The following CSMD1 variants were observed in gnomAD, a reference collection of about 807,000 sequenced individuals.
CSMD1 encodes CUB and sushi domain-containing protein 1.
In CSMD1, 213 loss-of-function variants were observed where a neutral mutation model predicts 417.5. The observed-to-expected ratio is 0.51, with a 90% CI of 0.46 to 0.57. The LOEUF is 0.57. Among genes scored for constraint, CSMD1 ranks in the 20% least tolerant of loss-of-function variants. The probability of loss-of-function intolerance (pLI) is 0.00; values close to 1 mark genes in which losing one functional copy is unlikely to be tolerated. For missense variants in CSMD1, 6,923 were observed against 4,529.7 expected (o/e 1.53, Z -15.17); for synonymous variants, 2,862 against 1,736.8 (o/e 1.65, Z -16.11).
At chr8:4,794,925 C>A (rs577209258) in intron 1 of CSMD1, among the ~76,000 whole-genome samples, 1 of 151,414 alleles carries the variant, frequency 6.6e-6, no homozygotes, top group Non-Finnish European at 1.5e-5. Flanking sequence ...TCATTTAGAA[C>A]GCTGGGAAGG....
At chr8:3,600,174 C>G (rs1247426672) in intron 8 of CSMD1, among the ~76,000 whole-genome samples, 1 of 152,184 alleles carries the variant, frequency 6.6e-6, no homozygotes, top group Non-Finnish European at 1.5e-5. Flanking sequence ...TGAAAACTGA[C>G]AAACCATTGC....
At position 3,493,612 on chromosome 8, in the gene CSMD1, G is replaced by A. The variant is rs1216314225; in HGVS notation, c.1448+11C>T. 3.1e-6 allele frequency: 5 copies of A among 1,597,756 alleles called. No homozygotes were observed. In the East Asian group the frequency reaches 6.8e-5, roughly 22 times the overall value. On this transcript the variant is annotated intron_variant, in intron 11 of 69. Transcript: ENST00000635120. ...TGCATAAGAGAAGAAGAAGCTCAAG[G>A]ACATACTCACACGTACAAGACCGAT...
At chr8:4,132,212 TTTTC>T (rs140783346) in intron 3 of CSMD1, among the ~76,000 whole-genome samples, 15,385 of 81,424 alleles carry the variant, frequency 0.19, 1,018 homozygotes, top group East Asian at 0.38. Context: ...TTTTTTTTTT[TTTTC>T]ACGGGGTAGT....
chr8:4,519,554 A>C (rs1487089858), intron 2 of CSMD1, among the ~76,000 whole-genome samples: 5 of 151,600 alleles, frequency 3.3e-5, no homozygotes, highest in Admixed American at 2.6e-4. Context: ...AGCCTGGACA[A>C]CATGGTGAAA....
intron 2 of CSMD1, among the ~76,000 whole-genome samples, chr8:4,562,313 G>T (rs1306018675): frequency 1.3e-5 from 2 of 152,164 alleles, no homozygotes; most frequent in Non-Finnish European, 2.9e-5. Flanking sequence ...ACTCAGCAAG[G>T]TCAGTGGGAG....
At chr8:3,748,523 G>C (rs1297704988) in intron 6 of CSMD1, among the ~76,000 whole-genome samples, 1 of 152,106 alleles carries the variant, frequency 6.6e-6, no homozygotes, top group Non-Finnish European at 1.5e-5. Flanking sequence ...ACGTAACTGA[G>C]CACTTTCCAG....
At chr8:4,771,831 C>A (rs535762944) in intron 1 of CSMD1, among the ~76,000 whole-genome samples, 4 of 152,084 alleles carry the variant, frequency 2.6e-5, no homozygotes, top group Admixed American at 2.0e-4. Flanking sequence ...TCAACGATAC[C>A]TTTTCTGTTG....
chr8:3,627,597 T>C (rs1270931182), intron 7 of CSMD1, among the ~76,000 whole-genome samples: 1 of 152,210 alleles, frequency 6.6e-6, no homozygotes, highest in East Asian at 1.9e-4. Flanking sequence ...TCTAATATTA[T>C]ATTCTATAGT....
intron 3 of CSMD1, among the ~76,000 whole-genome samples, chr8:4,184,286 A>G (rs1798542180): frequency 2.0e-5 from 3 of 152,158 alleles, no homozygotes; most frequent in Non-Finnish European, 2.9e-5. Context: ...ATCTAACGCT[A>G]TTCAGGAATT....
At chr8:3,078,331 T>C (rs1272228522) in intron 49 of CSMD1, among the ~76,000 whole-genome samples, 1 of 152,222 alleles carries the variant, frequency 6.6e-6, no homozygotes, top group African/African-American at 2.4e-5. Flanking sequence ...GGTGAAGTTT[T>C]GGGATGCTCG....
At chr8:4,374,991 G>T (rs1310513316) in intron 3 of CSMD1, among the ~76,000 whole-genome samples, 3 of 148,946 alleles carry the variant, frequency 2.0e-5, no homozygotes, top group Non-Finnish European at 3.0e-5. Flanking sequence ...GGGGGTACGG[G>T]CAAGGAGCAA....
In CSMD1 at chr8:3,577,894, C is replaced by T. The variant is rs530287624; in HGVS notation, c.1223-2828G>A. The stretch of plus-strand genomic sequence containing the variant: ...CCTCAGTTTTTCAAATGGCAACTAC[C>T]GTAAGTTCAGCCGTGCATGTGTAGA... On this transcript the variant is annotated intron_variant, in intron 9 of 69. Coordinates refer to ENST00000635120, the MANE Select transcript of CSMD1 (RefSeq NM_033225.6). Among the ~76,000 whole-genome samples, 70 of 152,272 alleles carry T rather than the reference C, an allele frequency of 4.6e-4. 1 individual carries two copies. In the South Asian group the frequency reaches 8.5e-3, roughly 18 times the overall value.
intron 5 of CSMD1, among the ~76,000 whole-genome samples, chr8:3,778,090 G>A (rs996315184): frequency 6.6e-6 from 1 of 152,228 alleles, no homozygotes; most frequent in Non-Finnish European, 1.5e-5. Context: ...TTTGAGAGCT[G>A]CTGGCCCAGA....
At chr8:4,967,592 C>T (rs528492038) in intron 1 of CSMD1, among the ~76,000 whole-genome samples, 1 of 152,252 alleles carries the variant, frequency 6.6e-6, no homozygotes, top group Non-Finnish European at 1.5e-5. Context: ...TTAATTTTAA[C>T]AGAGTTGTAA....
At chr8:4,202,609 G>C (rs1041033174) in intron 3 of CSMD1, among the ~76,000 whole-genome samples, 1 of 152,128 alleles carries the variant, frequency 6.6e-6, no homozygotes, top group Non-Finnish European at 1.5e-5. Flanking sequence ...CAATCTCTTT[G>C]AGTATCATGG....
intron 26 of CSMD1, among the ~76,000 whole-genome samples, chr8:3,267,337 T>C (rs867561014): frequency 6.6e-6 from 1 of 152,212 alleles, no homozygotes; most frequent in Non-Finnish European, 1.5e-5. Context: ...AGATCATCTA[T>C]CGCGTACGAA....
At chr8:2,991,647 A>G (rs1246961663) in intron 54 of CSMD1, among the ~76,000 whole-genome samples, 2 of 152,204 alleles carry the variant, frequency 1.3e-5, no homozygotes, top group African/African-American at 4.8e-5. Flanking sequence ...AATGAAACAT[A>G]CCCTTTTTAA....
At chr8:3,705,093 C>G (rs891872761) in intron 7 of CSMD1, among the ~76,000 whole-genome samples, 1 of 152,190 alleles carries the variant, frequency 6.6e-6, no homozygotes, top group African/African-American at 2.4e-5. Context: ...GCCAGTCAGG[C>G]AAGGCTACTT....
chr8:4,315,277 A>C lies in CSMD1; in HGVS notation c.415+104676T>G, dbSNP rs150587952. Among the ~76,000 whole-genome samples, 9 of 152,246 alleles carry C rather than the reference A, an allele frequency of 5.9e-5. No homozygotes were observed. The East Asian group carries it at 1.7e-3, about 29-fold the overall frequency. On this transcript the variant is annotated intron_variant, in intron 3 of 69. Coordinates refer to ENST00000635120, the MANE Select transcript of CSMD1 (RefSeq NM_033225.6). ...AGTGAGGTAGGGTTTATGAAAACTGAGACAGTATGCGAGGAGACCCTTTTA... is the reference window on the plus strand; with the variant it reads ...AGTGAGGTAGGGTTTATGAAAACTGCGACAGTATGCGAGGAGACCCTTTTA...
Sources: gnomAD v4.1 joint callset for allele counts (sites outside exome capture counted in the v4.1 genomes callset) on GRCh38, gnomAD v4.1.1 for gene constraint, MANE v1.5 for transcripts, NCBI Gene and HGNC (gene_info 2026-07-23, HGNC 2026-07-21) for gene names.